The following NPAS3 variants were observed in gnomAD, a reference collection of about 807,000 sequenced individuals.
NPAS3 encodes neuronal PAS domain protein 3.
Under a neutral mutation model 73.1 loss-of-function variants are expected in NPAS3, and 14 were observed. That is an observed-to-expected ratio of 0.19 (90% CI 0.13 to 0.30). The LOEUF is 0.30. Among genes scored for constraint, NPAS3 ranks in the 10% least tolerant of loss-of-function variants. The pLI, the probability that NPAS3 is intolerant of heterozygous loss-of-function variation, is 1.00. For missense variants in NPAS3, 1,096 were observed against 1,250.0 expected, an observed-to-expected ratio of 0.88 and a Z score of 1.86; for synonymous variants, 620 against 541.5, an observed-to-expected ratio of 1.14 and a Z score of -2.01.
At chr14:32,936,710 A>G (rs2035705323), upstream of NPAS3, among the ~76,000 whole-genome samples, 1 of 152,062 alleles carries the variant, frequency 6.6e-6, no homozygotes, top group Admixed American at 6.6e-5. Context: ...AGGGTGGGGG[A>G]TTAGGAATTT....
At position 33,608,210 on chromosome 14, in the gene NPAS3, A is replaced by G. The variant is rs1958554; in HGVS notation, c.558+48000A>G. Among the ~76,000 whole-genome samples, 1,334 of 152,332 alleles carry G rather than the reference A, an allele frequency of 8.8e-3. 23 individuals are homozygous for G. Among genetic ancestry groups the G allele is most frequent in the African/African-American group, 0.03 (1,264 of 41,572 alleles). ...AGAAAACCTATTAGGTTCACTTTAC[A>G]TAACGGACATTTGACTGTAGCCTAC... On this transcript the variant is annotated intron_variant, in intron 5 of 11. Coordinates refer to ENST00000356141, the Ensembl canonical transcript of NPAS3.
At chr14:33,128,169 C>A (rs1481876702) in intron 2 of NPAS3, among the ~76,000 whole-genome samples, 2 of 152,114 alleles carry the variant, frequency 1.3e-5, no homozygotes, top group African/African-American at 4.8e-5. Context: ...CCCAGTGGTA[C>A]TGTTTTTGGT....
At chr14:33,663,483 G>A (rs1157746123) in intron 5 of NPAS3, among the ~76,000 whole-genome samples, 1 of 152,004 alleles carries the variant, frequency 6.6e-6, no homozygotes, top group Non-Finnish European at 1.5e-5. Flanking sequence ...TTTTATTGAG[G>A]ATTTTCAAAT....
In NPAS3 at chr14:33,385,109, C is replaced by T. The variant is rs529540265; in HGVS notation, c.468+17841C>T. Among the ~76,000 whole-genome samples, 4 of 152,320 alleles carry T rather than the reference C, an allele frequency of 2.6e-5. No individual in the cohort carries two copies. The South Asian group carries it at 6.2e-4, about 24-fold the overall frequency. ...AGCATTTTTAATCTATGATGGTTCA[C>T]ATTTGCCAAGTGTCTCTTTTTCTTG... On this transcript the variant is annotated intron_variant, in intron 4 of 11. Coordinates refer to ENST00000356141, the Ensembl canonical transcript of NPAS3.
chr14:33,058,898 C>A (rs2138556973), intron 2 of NPAS3, among the ~76,000 whole-genome samples: 1 of 152,216 alleles, frequency 6.6e-6, no homozygotes, highest in East Asian at 1.9e-4. Flanking sequence ...TCAGGGTACA[C>A]TGGATTATAA....
At chr14:33,053,135 G>A (rs547211147) in intron 1 of NPAS3, among the ~76,000 whole-genome samples, 35 of 152,192 alleles carry the variant, frequency 2.3e-4, no homozygotes, top group African/African-American at 7.0e-4. Context: ...GGACTTGCCC[G>A]CTAATCTTTC....
chr14:33,492,567 T>C lies in NPAS3; in HGVS notation c.469-67554T>C, dbSNP rs143710924. 9.4e-4 allele frequency among the ~76,000 whole-genome samples: 143 copies of C among 152,304 alleles called. 2 individuals carry two copies. Among genetic ancestry groups the C allele is most frequent in the African/African-American group, 3.3e-3 (138 of 41,598 alleles). The stretch of plus-strand genomic sequence containing the variant: ...TGTGTAGAAGATTTCATCAAAGGAC[T>C]AGTATTCAAAGCAGTGGCCTTTCAT... On this transcript the variant is annotated intron_variant, in intron 4 of 11. Coordinates refer to ENST00000356141, the Ensembl canonical transcript of NPAS3.
intron 5 of NPAS3, among the ~76,000 whole-genome samples, chr14:33,608,849 G>A (rs1412089972): frequency 6.6e-6 from 1 of 152,040 alleles, no homozygotes; most frequent in Non-Finnish European, 1.5e-5. Context: ...CCTTCCCCTT[G>A]GTGATTTCCA....
At chr14:33,338,627 T>C (rs1002125102) in intron 3 of NPAS3, among the ~76,000 whole-genome samples, 2 of 152,240 alleles carry the variant, frequency 1.3e-5, no homozygotes, top group Non-Finnish European at 2.9e-5. Context: ...TTTTTCTTTT[T>C]TCTATCTGCG....
chr14:33,053,174 T>C (rs1432346558), intron 1 of NPAS3, among the ~76,000 whole-genome samples: 2 of 152,162 alleles, frequency 1.3e-5, no homozygotes, highest in Admixed American at 1.3e-4. Context: ...TGCTTGCCAC[T>C]AGACAAATCC....
At chr14:33,390,528 C>T (rs2046956383) in intron 4 of NPAS3, among the ~76,000 whole-genome samples, 1 of 152,174 alleles carries the variant, frequency 6.6e-6, no homozygotes, top group African/African-American at 2.4e-5. Flanking sequence ...CACCTCATCC[C>T]CCTATTACAT....
chr14:33,141,524 T>C (rs2044043040), intron 2 of NPAS3, among the ~76,000 whole-genome samples: 1 of 152,204 alleles, frequency 6.6e-6, no homozygotes, highest in Non-Finnish European at 1.5e-5. Flanking sequence ...GTTTAGAATT[T>C]GGAGCTATTT....
chr14:33,515,357 T>A (rs1413090887), intron 4 of NPAS3, among the ~76,000 whole-genome samples: 1 of 152,094 alleles, frequency 6.6e-6, no homozygotes, highest in African/African-American at 2.4e-5. Flanking sequence ...TATATATGCA[T>A]GTATATATAG....
Position 33,079,078 on chromosome 14 carries a change from C to T in NPAS3, c.140+23084C>T, listed in dbSNP as rs908366731. 7.2e-5 allele frequency among the ~76,000 whole-genome samples: 11 copies of T among 152,238 alleles called. No homozygotes were observed. The South Asian group carries it at 2.3e-3, about 32-fold the overall frequency. On this transcript the variant is annotated intron_variant, in intron 2 of 11. Transcript: ENST00000356141. The stretch of plus-strand genomic sequence containing the variant: ...CAATTTGCCTGTGCTAATAATTGTG[C>T]ATGCATGTTCAGACAAATCATACTC...
intron 2 of NPAS3, among the ~76,000 whole-genome samples, chr14:33,177,383 A>C (rs2045633334): frequency 6.6e-6 from 1 of 151,836 alleles, no homozygotes; most frequent in Admixed American, 6.6e-5. Context: ...TTTATTATTT[A>C]GTTTTAGTTC....
intron 4 of NPAS3, among the ~76,000 whole-genome samples, chr14:33,371,701 T>A (rs1359395054): frequency 6.6e-6 from 1 of 152,162 alleles, no homozygotes; most frequent in Non-Finnish European, 1.5e-5. Context: ...TGTGTGTGTG[T>A]AAACGCAAAG....
chr14:33,759,686 C>T (rs1052557440), intron 7 of NPAS3, among the ~76,000 whole-genome samples: 14 of 152,184 alleles, frequency 9.2e-5, no homozygotes, highest in African/African-American at 2.7e-4. Flanking sequence ...TTGCAGGCTG[C>T]GTAGTCTTTA....
chr14:33,231,811 C>T (rs1001144751), intron 3 of NPAS3, among the ~76,000 whole-genome samples: 2 of 152,080 alleles, frequency 1.3e-5, no homozygotes, highest in Admixed American at 6.6e-5. Flanking sequence ...TTTAAGTAAA[C>T]TTAGATGCTT....
At chr14:33,125,325 AAAGAGT>A (rs1321361625) in intron 2 of NPAS3, among the ~76,000 whole-genome samples, 2 of 152,160 alleles carry the variant, frequency 1.3e-5, no homozygotes, top group Non-Finnish European at 2.9e-5. Flanking sequence ...GGGCAATAGA[AAAGAGT>A]GAAATTTATC....
Sources: gnomAD v4.1 joint callset for allele counts (sites outside exome capture counted in the v4.1 genomes callset) on GRCh38, gnomAD v4.1.1 for gene constraint, MANE v1.5 for transcripts, NCBI Gene and HGNC (gene_info 2026-07-23, HGNC 2026-07-21) for gene names.